CSMD2: variants seen among roughly 807,000 people sequenced by gnomAD.
The protein encoded by CSMD2 is CUB and Sushi multiple domains 2, also known as CUB and sushi domain-containing protein 2.
CSMD2 carries 130 observed loss-of-function variants against 398.5 expected under a neutral mutation model. The ratio of observed to expected loss-of-function variants is 0.33; its 90% CI spans 0.28 to 0.38. The LOEUF (loss-of-function observed/expected upper bound fraction) is 0.38, where lower values mean the gene tolerates loss of function less well. Ranked by LOEUF, CSMD2 falls within the 10% of genes least tolerant of loss-of-function variation. The probability of loss-of-function intolerance (pLI) is 1.00; values close to 1 mark genes in which losing one functional copy is unlikely to be tolerated. For synonymous variants in CSMD2, 1,828 were observed against 1,908.5 expected, an observed-to-expected ratio of 0.96 and a Z score of 1.10; for missense variants, 3,829 against 4,764.9, an observed-to-expected ratio of 0.80 and a Z score of 5.78.
chr1:33,966,221 C>G (rs1285100961), intron 3 of CSMD2, among the ~76,000 whole-genome samples: 1 of 152,194 alleles, frequency 6.6e-6, no homozygotes, highest in Non-Finnish European at 1.5e-5. Flanking sequence ...TGCCAGCCCA[C>G]CAGCAGTGAA....
At chr1:34,056,754 A>G (rs1293634328) in intron 2 of CSMD2, among the ~76,000 whole-genome samples, 4 of 152,202 alleles carry the variant, frequency 2.6e-5, no homozygotes, top group Admixed American at 2.6e-4. Context: ...CTAAAACAAG[A>G]CCTGTGTTAA....
At chr1:33,805,227 T>G (rs1310368511) in intron 10 of CSMD2, among the ~76,000 whole-genome samples, 2 of 152,226 alleles carry the variant, frequency 1.3e-5, no homozygotes, top group African/African-American at 4.8e-5. Flanking sequence ...AGATAAGGAT[T>G]GTAACAGTGC....
intron 25 of CSMD2, among the ~76,000 whole-genome samples, chr1:33,674,995 A>T (rs1202540295): frequency 6.6e-6 from 1 of 152,240 alleles, no homozygotes; most frequent in Non-Finnish European, 1.5e-5. Context: ...AAATGCCCAC[A>T]AGAGAAAGCA....
chr1:34,133,413 C>T (rs1401024347), intron 1 of CSMD2, among the ~76,000 whole-genome samples: 1 of 151,540 alleles, frequency 6.6e-6, no homozygotes, highest in African/African-American at 2.4e-5. Context: ...GGTGGGTCAC[C>T]TGAGGTCAGG....
intron 1 of CSMD2, among the ~76,000 whole-genome samples, chr1:34,115,581 T>A (rs2148455289): frequency 6.6e-6 from 1 of 152,192 alleles, no homozygotes; most frequent in Admixed American, 6.5e-5. Context: ...AGATCTGCCT[T>A]ATGAAAATTA....
chr1:33,879,671 C>G (rs1489067795), intron 5 of CSMD2, among the ~76,000 whole-genome samples: 1 of 152,196 alleles, frequency 6.6e-6, no homozygotes, highest in Non-Finnish European at 1.5e-5. Context: ...ACCACCACCA[C>G]TATAATCATG....
chr1:33,734,805 A>G (rs1275921070), intron 15 of CSMD2, among the ~76,000 whole-genome samples: 1 of 152,032 alleles, frequency 6.6e-6, no homozygotes, highest in African/African-American at 2.4e-5. Flanking sequence ...AAGAAAAAAG[A>G]AAAAGAAAAA....
At chr1:33,524,395 C>T (rs1234765715) in intron 66 of CSMD2, among the ~76,000 whole-genome samples, 3 of 152,170 alleles carry the variant, frequency 2.0e-5, no homozygotes, top group African/African-American at 7.2e-5. Context: ...TGACACAAAT[C>T]GCCAAATTGT....
intron 5 of CSMD2, among the ~76,000 whole-genome samples, chr1:33,913,822 T>C (rs1400562047): frequency 1.3e-5 from 2 of 151,954 alleles, no homozygotes; most frequent in Admixed American, 6.6e-5. Flanking sequence ...AATCTGGGGA[T>C]GGTTCTGGAG....
At chr1:34,010,482 T>G (rs1264188322) in intron 3 of CSMD2, among the ~76,000 whole-genome samples, 1 of 152,208 alleles carries the variant, frequency 6.6e-6, no homozygotes, top group Non-Finnish European at 1.5e-5. Flanking sequence ...TCTCATTTTA[T>G]AAACATGGAA....
At position 34,087,725 on chromosome 1, in the gene CSMD2, A is replaced by C. The variant is rs7544417; in HGVS notation, c.404+1252T>G. ...GTCTTCATAGGACCAGACATGTTAG[A>C]TATTTCCATGCCTGCCTCCCCATTA... On this transcript the variant is annotated intron_variant, in intron 2 of 70. Transcript: ENST00000373381. Among the ~76,000 whole-genome samples the C allele has an allele frequency of 1.0e-2, 1,520 of 152,068 alleles. 22 individuals are homozygous for C. Among genetic ancestry groups the C allele is most frequent in the African/African-American group, 0.033 (1,381 of 41,468 alleles).
At chr1:33,947,468 C>T (rs1644873673) in intron 3 of CSMD2, among the ~76,000 whole-genome samples, 2 of 152,174 alleles carry the variant, frequency 1.3e-5, no homozygotes, top group African/African-American at 2.4e-5. Context: ...CTTGGCTCCC[C>T]GTCCACGGCC....
chr1:33,841,953 C>G (rs1660894721), intron 6 of CSMD2, among the ~76,000 whole-genome samples: 1 of 152,132 alleles, frequency 6.6e-6, no homozygotes, highest in Non-Finnish European at 1.5e-5. Flanking sequence ...CTTTTCACAT[C>G]ATTATCTCTA....
At chr1:33,774,675 A>T (rs1651735159) in intron 12 of CSMD2, among the ~76,000 whole-genome samples, 1 of 152,184 alleles carries the variant, frequency 6.6e-6, no homozygotes, top group Non-Finnish European at 1.5e-5. Flanking sequence ...CCATTGCTGC[A>T]GGAGATATGC....
At chr1:33,820,345 G>T (rs1394505578) in intron 8 of CSMD2, 124 bp downstream of exon 8, 3 of 715,646 alleles carry the variant, frequency 4.2e-6, no homozygotes, top group Non-Finnish European at 7.6e-6. Flanking sequence ...TCTCCAGGAA[G>T]TGTCTGTTCC....
Position 33,519,667 on chromosome 1 carries a change from T to C in CSMD2, c.10747A>G (p.Lys3583Glu). ...CCAGCATAGCCATTGAAAGGAACTT[T>C]GGGTCTTCTCCTGGCGATAAAAGAG... ...LYLYKHRRRP[K>E]VPFNGYAGHE... The change falls in exon 70 of 71, where the codon AAA becomes GAA. Residue 3583 changes from lysine (K) to glutamate (E), a missense_variant. By Grantham distance (56) the Lys-to-Glu change is moderately conservative. Around this residue, in one of 5 missense-constraint regions of CSMD2, gnomAD observed 917 missense variants for 1,199.5 expected, o/e 0.76. Coordinates refer to ENST00000373381, the MANE Select transcript of CSMD2 (RefSeq NM_001281956.2). This position sits in a 1 kb window ranked among gnomAD's most constrained non-coding sequence, Gnocchi z 5.6. 6.2e-7 allele frequency: 1 copy of C among 1,613,976 alleles called. No individual in the cohort carries two copies. Among genetic ancestry groups the C allele is most frequent in the Non-Finnish European group, 8.5e-7 (1 of 1,179,996 alleles).
intron 3 of CSMD2, among the ~76,000 whole-genome samples, chr1:34,008,774 C>T (rs1327216602): frequency 6.6e-6 from 1 of 152,212 alleles, no homozygotes; most frequent in Non-Finnish European, 1.5e-5. Flanking sequence ...CCCTACTAGG[C>T]TGTAAGTTCC....
intron 6 of CSMD2, among the ~76,000 whole-genome samples, chr1:33,830,804 A>C (rs1659456332): frequency 6.6e-6 from 1 of 152,244 alleles, no homozygotes; most frequent in Non-Finnish European, 1.5e-5. Flanking sequence ...ACCAATACAG[A>C]GAAGTGCTTA....
At chr1:33,853,020 G>C (rs1471392588) in intron 5 of CSMD2, among the ~76,000 whole-genome samples, 2 of 152,182 alleles carry the variant, frequency 1.3e-5, no homozygotes, top group African/African-American at 4.8e-5. Flanking sequence ...TGATGTAGTT[G>C]GTTGGTAAAT....
Sources: gnomAD v4.1 joint callset for allele counts (sites outside exome capture counted in the v4.1 genomes callset) on GRCh38, gnomAD v4.1.1 for gene constraint, gnomAD v4.1.1 regional missense constraint, Gnocchi (gnomAD v3.1) non-coding constraint, MANE v1.5 for transcripts, NCBI Gene and HGNC (gene_info 2026-07-23, HGNC 2026-07-21) for gene names.